CSMD1: variants seen among roughly 807,000 people sequenced by gnomAD.
The protein encoded by CSMD1 is CUB and sushi domain-containing protein 1.
CSMD1 carries 213 observed loss-of-function variants against 417.5 expected under a neutral mutation model. That is an observed-to-expected ratio of 0.51 (90% CI 0.46 to 0.57). CSMD1 has a LOEUF of 0.57. Among genes scored for constraint, CSMD1 ranks in the 20% least tolerant of loss-of-function variants. The pLI, the probability that CSMD1 is intolerant of heterozygous loss-of-function variation, is 0.00. For missense variants in CSMD1, 6,923 were observed against 4,529.7 expected, an observed-to-expected ratio of 1.53 and a Z score of -15.17; for synonymous variants, 2,862 against 1,736.8, an observed-to-expected ratio of 1.65 and a Z score of -16.11.
intron 12 of CSMD1, among the ~76,000 whole-genome samples, chr8:3,426,866 A>G (rs1008157174): frequency 6.6e-6 from 1 of 152,150 alleles, no homozygotes; most frequent in Non-Finnish European, 1.5e-5. Context: ...ACTGCTCAAG[A>G]CTGGGTAGTT....
At chr8:4,202,370 C>T (rs965798162) in intron 3 of CSMD1, among the ~76,000 whole-genome samples, 7 of 152,304 alleles carry the variant, frequency 4.6e-5, no homozygotes, top group African/African-American at 1.7e-4. Context: ...TCATTCTGCA[C>T]ACTTTTTTCT....
At chr8:3,391,568 C>A (rs1238289556) in intron 17 of CSMD1, among the ~76,000 whole-genome samples, 1 of 152,140 alleles carries the variant, frequency 6.6e-6, no homozygotes, top group Non-Finnish European at 1.5e-5. Flanking sequence ...TGGACACTAA[C>A]ATATGAGATG....
At chr8:4,257,848 A>G (rs749553582) in intron 3 of CSMD1, among the ~76,000 whole-genome samples, 5 of 152,218 alleles carry the variant, frequency 3.3e-5, no homozygotes, top group Admixed American at 1.3e-4. Context: ...GTAAGCAGTC[A>G]TTATTCAGCT....
At chr8:4,017,782 C>T (rs1279422757) in intron 4 of CSMD1, among the ~76,000 whole-genome samples, 1 of 152,074 alleles carries the variant, frequency 6.6e-6, no homozygotes, top group Admixed American at 6.5e-5. Context: ...GAGATGTCCT[C>T]TTTGTAATCT....
chr8:3,142,664 A>C lies in CSMD1; in HGVS notation c.6042T>G (p.Ile2014Met), dbSNP rs1306234873. The C allele has an allele frequency of 6.2e-7, 1 of 1,612,234 alleles. No homozygotes were observed. The highest frequency in any genetic ancestry group is 8.5e-7 in the Non-Finnish European group (1 of 1,178,272). Residue 2014 changes from isoleucine (I) to methionine (M), a missense_variant, in exon 41 of 70, where the codon ATT becomes ATG. Transcript: ENST00000635120. ...ISLPIGYGAH[I>M]QFLNFSTEAN... ...CTTCGGTAGAAAAATTCAGAAACTG[A>C]ATATGTGCACCTATGGAAAAACATG...
intron 3 of CSMD1, among the ~76,000 whole-genome samples, chr8:4,045,107 C>A (rs752650860): frequency 2.1e-4 from 32 of 152,262 alleles, no homozygotes; most frequent in Non-Finnish European, 2.6e-4. Context: ...CAGGGAGACA[C>A]TGAACATGGC....
At chr8:4,448,214 A>G (rs975371666) in intron 2 of CSMD1, among the ~76,000 whole-genome samples, 4 of 152,148 alleles carry the variant, frequency 2.6e-5, no homozygotes, top group African/African-American at 9.7e-5. Context: ...CACTGAAAAT[A>G]TTTTTCATCT....
intron 9 of CSMD1, among the ~76,000 whole-genome samples, chr8:3,579,380 G>C (rs1199389173): frequency 6.6e-6 from 1 of 152,006 alleles, no homozygotes; most frequent in African/African-American, 2.4e-5. Flanking sequence ...TGCAATTCCA[G>C]GAAATCTTAT....
At chr8:4,129,728 T>A (rs1429782383) in intron 3 of CSMD1, among the ~76,000 whole-genome samples, 1 of 152,152 alleles carries the variant, frequency 6.6e-6, no homozygotes, top group Admixed American at 6.5e-5. Flanking sequence ...TCAGTTTTCT[T>A]GGGCCCTTTC....
chr8:4,926,163 A>T (rs1430054812), intron 1 of CSMD1, among the ~76,000 whole-genome samples: 1 of 152,242 alleles, frequency 6.6e-6, no homozygotes, highest in African/African-American at 2.4e-5. Flanking sequence ...TTGAAAGGAC[A>T]GCCAAGCCTA....
rs534031497 is a variant in CSMD1 at position 3,289,878 on chromosome 8, A to G, written c.3951-5532T>C. Among the ~76,000 whole-genome samples the G allele has an allele frequency of 1.2e-4, 17 of 147,486 alleles. 2 individuals are homozygous for G. Among genetic ancestry groups the G allele is most frequent in the African/African-American group, 4.0e-4 (15 of 37,312 alleles). Reference sequence around the variant, plus strand: ...GGCTTTTGTTGCCATTGCTTTTGGCATTTTAGACATGAAGTCCTTACCCAT... The same window carrying G: ...GGCTTTTGTTGCCATTGCTTTTGGCGTTTTAGACATGAAGTCCTTACCCAT... On this transcript the variant is annotated intron_variant, in intron 25 of 69. Transcript: ENST00000635120.
At chr8:4,990,608 C>A (rs77515499) in intron 1 of CSMD1, among the ~76,000 whole-genome samples, 1 of 152,240 alleles carries the variant, frequency 6.6e-6, no homozygotes, top group African/African-American at 2.4e-5. Flanking sequence ...ATCCACCCAC[C>A]TCAGCCTCCC....
At chr8:4,560,934 T>C (rs1798303262) in intron 2 of CSMD1, among the ~76,000 whole-genome samples, 1 of 152,236 alleles carries the variant, frequency 6.6e-6, no homozygotes, top group South Asian at 2.1e-4. Context: ...CCGTTTTCTC[T>C]ATTACATTTT....
rs1370308063 is a variant in CSMD1, at chr8:4,370,208, G to GCTTATGAAGC, written c.415+49744_415+49745insGCTTCATAAG. Reference sequence around the variant, plus strand: ...ATTTCTCCTTTGCTTATGAAGGTTAGTTTGGTGAGATACGAAATTCTTGTT... The same window carrying GCTTATGAAGC: ...ATTTCTCCTTTGCTTATGAAGGTTAGCTTATGAAGCTTTGGTGAGATACGAAATTCTTGTT... On this transcript the variant is annotated intron_variant, in intron 3 of 69. Coordinates refer to ENST00000635120, the MANE Select transcript of CSMD1 (RefSeq NM_033225.6). Among the ~76,000 whole-genome samples the GCTTATGAAGC allele has an allele frequency of 1.1e-3, 160 of 152,226 alleles. 1 individual carries two copies. Among genetic ancestry groups the GCTTATGAAGC allele is most frequent in the African/African-American group, 3.7e-3 (153 of 41,536 alleles).
At chr8:4,005,304 A>C (rs2130391833) in intron 4 of CSMD1, among the ~76,000 whole-genome samples, 1 of 152,328 alleles carries the variant, frequency 6.6e-6, no homozygotes, top group Admixed American at 6.5e-5. Flanking sequence ...AAAATAATAA[A>C]AAAAGTTTCA....
At chr8:4,662,266 T>C (rs1041710038) in intron 1 of CSMD1, among the ~76,000 whole-genome samples, 1 of 152,176 alleles carries the variant, frequency 6.6e-6, no homozygotes, top group Non-Finnish European at 1.5e-5. Context: ...TAAACATTTT[T>C]ATTTTGTAGA....
rs373926680 is a variant in CSMD1, at chr8:4,034,557, A to G, written c.416-2458T>C. On this transcript the variant is annotated intron_variant, in intron 3 of 69. Transcript: ENST00000635120. ...ATAAGGAAGAAAAACTTTCCATTTT[A>G]TCAGGGCAGCCCTTCAACTTTTGAC... is the stretch of plus-strand genomic sequence containing the variant. Among the ~76,000 whole-genome samples the G allele has an allele frequency of 2.2e-4, 34 of 152,330 alleles. No individual in the cohort carries two copies. In the East Asian group the frequency reaches 6.0e-3, roughly 27 times the overall value.
intron 2 of CSMD1, among the ~76,000 whole-genome samples, chr8:4,499,498 C>A (rs1311530335): frequency 2.0e-5 from 3 of 152,132 alleles, no homozygotes; most frequent in Non-Finnish European, 4.4e-5. Flanking sequence ...CAAGAACCAG[C>A]AAGACTTTCA....
At chr8:4,483,995 G>T (rs115926943) in intron 2 of CSMD1, among the ~76,000 whole-genome samples, 393 of 152,224 alleles carry the variant, frequency 2.6e-3, no homozygotes, top group African/African-American at 9.1e-3. Flanking sequence ...AGCCCTGGGA[G>T]AAACATCCCA....
Sources: gnomAD v4.1 joint callset for allele counts (sites outside exome capture counted in the v4.1 genomes callset) on GRCh38, gnomAD v4.1.1 for gene constraint, MANE v1.5 for transcripts, NCBI Gene and HGNC (gene_info 2026-07-23, HGNC 2026-07-21) for gene names.